The following KATNAL2 variants were observed in gnomAD, a reference collection of about 807,000 sequenced individuals.
KATNAL2 encodes the protein katanin catalytic subunit A1 like 2.
Under a neutral mutation model 76.3 loss-of-function variants are expected in KATNAL2, and 52 were observed. That is an observed-to-expected ratio of 0.68 (90% CI 0.55 to 0.86). The LOEUF is 0.86. Among genes scored for constraint, KATNAL2 ranks in the 40% least tolerant of loss-of-function variants. KATNAL2 has a pLI of 0.00. For synonymous variants in KATNAL2, 243 were observed against 244.2 expected (o/e 1.00, Z 0.05); for missense variants, 660 against 668.9 (o/e 0.99, Z 0.15).
chr18:46,930,819 T>C (rs1037705217), intron 1 of KATNAL2, among the ~76,000 whole-genome samples: 1 of 142,144 alleles, frequency 7.0e-6, no homozygotes, highest in Non-Finnish European at 1.5e-5. Flanking sequence ...AAAAAATAAA[T>C]AGGCCAGGCG....
intron 3 of KATNAL2, among the ~76,000 whole-genome samples, chr18:46,955,533 C>T (rs1263592060): frequency 6.6e-6 from 1 of 151,126 alleles, no homozygotes; most frequent in African/African-American, 2.4e-5. Flanking sequence ...TTCCTTCCTT[C>T]CTTCCTTCTT....
intron 10 of KATNAL2, 133 bp from the exon 11 acceptor site, chr18:47,066,888 T>TATATATATATATATCAACACAC (rs11281082): frequency 1.3e-5 from 1 of 75,816 alleles, no homozygotes; most frequent in Admixed American, 1.5e-4. Flanking sequence ...TATATATATA[T>TATATATATATATATCAACACAC]ATATAATATG....
intron 4 of KATNAL2, among the ~76,000 whole-genome samples, chr18:47,048,368 A>C (rs2061230029): frequency 6.6e-6 from 1 of 152,186 alleles, no homozygotes; most frequent in Non-Finnish European, 1.5e-5. Flanking sequence ...GGAGGGCAGG[A>C]GGCAGTTGAC....
At chr18:46,950,751 C>T (rs908220839) in intron 3 of KATNAL2, among the ~76,000 whole-genome samples, 2 of 151,112 alleles carry the variant, frequency 1.3e-5, no homozygotes, top group African/African-American at 2.4e-5. Context: ...ATGGTGTGAT[C>T]TCGGCTCACC....
chr18:47,048,457 G>C (rs1395557919), intron 4 of KATNAL2, among the ~76,000 whole-genome samples: 3 of 152,142 alleles, frequency 2.0e-5, no homozygotes, highest in Non-Finnish European at 4.4e-5. Context: ...CCCCCTAGAA[G>C]GAAATGAGTG....
chr18:47,080,550 G>C lies in KATNAL2; in HGVS notation c.1211+3089G>C, dbSNP rs535084444. Among the ~76,000 whole-genome samples the C allele has an allele frequency of 2.6e-5, 4 of 152,256 alleles. 1 individual carries two copies. In the East Asian group the frequency reaches 7.7e-4, roughly 29 times the overall value. On this transcript the variant is annotated intron_variant, in intron 15 of 17. Coordinates refer to ENST00000683218, the MANE Select transcript of KATNAL2 (RefSeq NM_001387690.1). The stretch of plus-strand genomic sequence containing the variant: ...TAGATTTGCCTGTTCTTATACCTAT[G>C]AGTAGAATTATTGGGTCATACGGCC...
At chr18:46,952,389 G>C (rs1198945807) in intron 3 of KATNAL2, among the ~76,000 whole-genome samples, 2 of 133,516 alleles carry the variant, frequency 1.5e-5, no homozygotes, top group Non-Finnish European at 3.1e-5. Flanking sequence ...CAGCCTGCAG[G>C]TATGTTTTTT....
In KATNAL2 at chr18:47,075,043, AC is replaced by A. The variant is rs138238513; in HGVS notation, c.1009-232del. 5.1e-3 allele frequency among the ~76,000 whole-genome samples: 779 copies of A among 152,334 alleles called. 5 individuals carry two copies. Among genetic ancestry groups the A allele is most frequent in the African/African-American group, 0.017 (708 of 41,560 alleles). ...ATTTATGATTAGTAACCTTGGAGTA[AC>A]CACCTACTCTCTGCCTCTAATTTTA... On this transcript the variant is annotated intron_variant, in intron 13 of 17. Transcript: ENST00000683218.
Position 46,961,256 on chromosome 18 carries a change from C to T in KATNAL2, c.51+14333C>T, listed in dbSNP as rs192432077. Among the ~76,000 whole-genome samples, 168 of 142,242 alleles carry T rather than the reference C, an allele frequency of 1.2e-3. 1 individual carries two copies. The highest frequency in any genetic ancestry group is 4.0e-3 in the African/African-American group (151 of 37,944). The allele number at this position is 142,242 out of a possible 152,430, so 93.3% of individuals were successfully genotyped here. On this transcript the variant is annotated intron_variant, in intron 3 of 17. Transcript: ENST00000683218. ...ACTTTTCGCTTTCTCCCTTTCCTCA[C>T]GTCTTAAAAACTAGGCAAGGTGGCA...
chr18:47,031,681 A>G (rs534067395), intron 3 of KATNAL2, among the ~76,000 whole-genome samples: 39 of 152,168 alleles, frequency 2.6e-4, no homozygotes, highest in South Asian at 4.2e-4. Context: ...TCTTTTTCAT[A>G]TTGGTCGTCC....
At chr18:46,920,048 C>G in intron 1 of KATNAL2, 1 of 1,289,230 alleles carries the variant, frequency 7.8e-7, no homozygotes, top group Non-Finnish European at 1.0e-6. Flanking sequence ...CAAAGCCCCA[C>G]TGAAACTTAC....
rs201688260 is a variant in KATNAL2, at chr18:47,034,554, C to G, written c.52-11903C>G. ...GGGAGTGCCAATCTCCCTGGGCACA[C>G]AAGGGGCGTTTTTCCTGGCGAGACG... On this transcript the variant is annotated intron_variant, in intron 3 of 17. Coordinates refer to ENST00000683218, the MANE Select transcript of KATNAL2 (RefSeq NM_001387690.1). 1.1e-5 allele frequency: 17 copies of G among 1,614,242 alleles called. No individual in the cohort carries two copies. The Admixed American group carries it at 2.2e-4, about 21-fold the overall frequency.
intron 15 of KATNAL2, among the ~76,000 whole-genome samples, chr18:47,089,013 G>A (rs1258457808): frequency 6.6e-6 from 1 of 152,162 alleles, no homozygotes; most frequent in Non-Finnish European, 1.5e-5. Flanking sequence ...CCCTTTCATA[G>A]TAGGCATGCA....
At position 47,052,857 on chromosome 18, in the gene KATNAL2, T is replaced by C. The variant is rs774630468; in HGVS notation, c.123-23T>C. 10 of 1,557,330 alleles carry C rather than the reference T, an allele frequency of 6.4e-6. No homozygotes were observed. The African/African-American group carries it at 1.4e-4, about 21-fold the overall frequency. On this transcript the variant is annotated intron_variant, in intron 4 of 17. Coordinates refer to ENST00000683218, the MANE Select transcript of KATNAL2 (RefSeq NM_001387690.1). ...TCTTTTCACCTCAGTTAATTTCTTC[T>C]TTTTATTCTGTGAAACTGCCAGGTA...
intron 3 of KATNAL2, among the ~76,000 whole-genome samples, chr18:46,959,459 T>A (rs1172970518): frequency 6.6e-6 from 1 of 150,874 alleles, no homozygotes; most frequent in African/African-American, 2.5e-5. Context: ...TCTTGGAACC[T>A]TTTTTTTAAA....
intron 1 of KATNAL2, among the ~76,000 whole-genome samples, chr18:46,938,535 A>G (rs1459920111): frequency 1.3e-5 from 2 of 152,210 alleles, no homozygotes; most frequent in Non-Finnish European, 2.9e-5. Context: ...TAACAAAATA[A>G]ACACAAAATA....
chr18:47,100,769 T>C, intron 17 of KATNAL2, 97 bp from the exon 18 acceptor site: 2 of 1,399,790 alleles, frequency 1.4e-6, no homozygotes, highest in East Asian at 2.3e-5. Context: ...GAATGCTGCA[T>C]TATGCATTAT....
At chr18:46,924,446 G>C (rs983415087) in intron 1 of KATNAL2, among the ~76,000 whole-genome samples, 2 of 152,088 alleles carry the variant, frequency 1.3e-5, no homozygotes, top group African/African-American at 2.4e-5. Context: ...TCTCTGTTTT[G>C]GTACCAGTAC....
intron 15 of KATNAL2, chr18:47,084,283 T>C (rs1415013125): frequency 1.4e-6 from 1 of 700,966 alleles, no homozygotes; most frequent in South Asian, 1.5e-5. Context: ...TAGCAATGCA[T>C]GCATGTGATT....
Sources: gnomAD v4.1 joint callset for allele counts (sites outside exome capture counted in the v4.1 genomes callset) on GRCh38, gnomAD v4.1.1 for gene constraint, MANE v1.5 for transcripts, NCBI Gene and HGNC (gene_info 2026-07-23, HGNC 2026-07-21) for gene names.